Variants in SBDS observed in about 807,000 individuals in gnomAD.
SBDS encodes the protein SBDS ribosome maturation factor, also known as ribosome maturation protein SBDS.
In SBDS, 20 loss-of-function variants were observed where a neutral mutation model predicts 26.4. The ratio of observed to expected loss-of-function variants is 0.76; its 90% CI spans 0.53 to 1.10. SBDS has a LOEUF of 1.10. Ranked by LOEUF, SBDS falls within the 50% of genes least tolerant of loss-of-function variation. The pLI, the probability that SBDS is intolerant of heterozygous loss-of-function variation, is 0.00. For synonymous variants in SBDS, 95 were observed against 105.1 expected (o/e 0.90, Z 0.59); for missense variants, 241 against 302.0 (o/e 0.80, Z 1.50).
At chr7:66,995,165 A>G in intron 1 of SBDS, 125 bp downstream of exon 1, 2 of 1,349,372 alleles carry the variant, frequency 1.5e-6, no homozygotes, top group South Asian at 1.2e-5. Context: ...TCACAGCAGG[A>G]ATGTTCCATT....
intron 4 of SBDS, among the ~76,000 whole-genome samples, chr7:66,990,653 T>C (rs1792957371): frequency 6.6e-6 from 1 of 152,248 alleles, no homozygotes; most frequent in African/African-American, 2.4e-5. Context: ...GCATAATATA[T>C]GACAAAAATA....
At position 66,988,453 on chromosome 7, in the gene SBDS, A is replaced by G. The variant is rs543458458; in HGVS notation, c.671T>C (p.Ile224Thr). The G allele has an allele frequency of 2.9e-5, 46 of 1,613,906 alleles. No individual in the cohort carries two copies. In the South Asian group the frequency reaches 4.7e-4, roughly 17 times the overall value. Residue 224 changes from isoleucine to threonine, a missense_variant, in exon 5 of 5, where the codon ATA becomes ACA. By Grantham distance (89) the Ile-to-Thr change is moderately conservative (BLOSUM62 -1). Transcript: ENST00000246868. ...ACCTTTGCCTTTAGTTTCCTTTTTT[A>G]TTAGCTCATCAATTTCTCGGAAGCA... is the stretch of plus-strand genomic sequence containing the variant. ...PGCFREIDEL[I>T]KKETKGKGSL...
chr7:66,990,819 G>A (rs1430661981), intron 4 of SBDS, among the ~76,000 whole-genome samples: 8 of 152,046 alleles, frequency 5.3e-5, no homozygotes, highest in East Asian at 3.9e-4. Flanking sequence ...GATCAAGACC[G>A]TCCTGGCTAA....
At position 66,994,266 on chromosome 7, in the gene SBDS, C is replaced by G. The variant is rs765645155; in HGVS notation, c.204G>C (p.Lys68Asn). The change falls in exon 2 of 5, where the codon AAG (lysine) becomes AAC (asparagine). Residue 68 changes from lysine to asparagine, a missense_variant. Lys to Asn is a moderately conservative substitution (Grantham distance 94, BLOSUM62 0). Coordinates refer to ENST00000246868, the MANE Select transcript of SBDS (RefSeq NM_016038.4). ...TTCCAAACGCACTGATGAGATCTTCCTTTTTGGCAACCTGACCTTTAGAAA... is the reference window on the plus strand; with the variant it reads ...TTCCAAACGCACTGATGAGATCTTCGTTTTTGGCAACCTGACCTTTAGAAA... The part of the protein sequence containing the change: ...VNVSKGQVAK[K>N]EDLISAFGTD... The G allele has an allele frequency of 5.6e-6, 9 of 1,613,984 alleles. No homozygotes were observed. The highest frequency in any genetic ancestry group is 1.3e-5 in the African/African-American group (1 of 74,908).
intron 4 of SBDS, 145 bp from the exon 5 acceptor site, chr7:66,988,644 G>T: frequency 1.0e-6 from 1 of 992,428 alleles, no homozygotes; most frequent in Non-Finnish European, 1.5e-6. Flanking sequence ...TAAGACAATG[G>T]GTAGGGCGGC....
chr7:66,992,630 C>T (rs568329700), intron 3 of SBDS, among the ~76,000 whole-genome samples: 62 of 152,042 alleles, frequency 4.1e-4, no homozygotes, highest in African/African-American at 1.5e-3. Flanking sequence ...TTTACAACCC[C>T]GTCCTTTTCC....
rs908961737 is a variant in SBDS, at chr7:66,994,496, C to A, written c.129-155G>T. The A allele has an allele frequency of 2.0e-5, 14 of 704,398 alleles. 1 individual carries two copies. The African/African-American group carries it at 2.3e-4, about 12-fold the overall frequency. The allele number at this position is 704,398 out of a possible 1,614,324, so 43.6% of individuals were successfully genotyped here. ...AGAGGGCAGTTTTCTTTTTCTTACC[C>A]CCCAACCCCCGCCCCTAGATGGAAT... is the stretch of plus-strand genomic sequence containing the variant. On this transcript the variant is annotated intron_variant, in intron 1 of 4. Coordinates refer to ENST00000246868, the MANE Select transcript of SBDS (RefSeq NM_016038.4).
chr7:66,988,558 C>G, intron 4 of SBDS, 59 bp from the exon 5 acceptor site: 1 of 1,597,530 alleles, frequency 6.3e-7, no homozygotes, highest in Non-Finnish European at 8.5e-7. Context: ...AGAATAAACT[C>G]AGCTTTAACT....
intron 2 of SBDS, 114 bp downstream of exon 2, chr7:66,994,098 C>G (rs1272606802): frequency 1.0e-6 from 1 of 969,006 alleles, no homozygotes; most frequent in Admixed American, 1.8e-5. Flanking sequence ...CTGTGCAGTT[C>G]ACATTATTGC....
chr7:66,993,414 A>G lies in SBDS; in HGVS notation c.262T>C (p.Leu88=). ...DDQTEICKQI[L]TKGEVQVSDK... is the part of the protein sequence containing the mutation. ...GATACTTGAACTTCTCCTTTAGTCAAAATCTAAAAAAATGCCAACACATTT... is the reference window on the plus strand; with the variant it reads ...GATACTTGAACTTCTCCTTTAGTCAGAATCTAAAAAAATGCCAACACATTT... The change falls in exon 3 of 5, where the codon TTG becomes CTG. Residue 88 remains leucine (L), a synonymous_variant. Coordinates refer to ENST00000246868, the MANE Select transcript of SBDS (RefSeq NM_016038.4). 6.2e-7 allele frequency: 1 copy of G among 1,612,494 alleles called. No homozygotes were observed. Among genetic ancestry groups the G allele is most frequent in the Non-Finnish European group, 8.5e-7 (1 of 1,178,698 alleles).
chr7:66,988,003 T>C lies in SBDS; in HGVS notation c.*368A>G. On this transcript the variant is annotated 3_prime_UTR_variant, in exon 5 of 5. Coordinates refer to ENST00000246868, the MANE Select transcript of SBDS (RefSeq NM_016038.4). ...TTTTTAGGAAAGACCCCCCCTTTTG[T>C]TGTATAGACATACCCCTAATAATCT... 1 of 295,994 alleles carries C rather than the reference T, an allele frequency of 3.4e-6. No homozygotes were observed. Among genetic ancestry groups the C allele is most frequent in the Non-Finnish European group, 6.4e-6 (1 of 155,110 alleles). The allele number at this position is 295,994 out of a possible 1,614,324, so 18.3% of individuals were successfully genotyped here. A position where few individuals can be genotyped will look rare whatever the true frequency, so the allele number is the denominator to read the frequency against.
intron 4 of SBDS, among the ~76,000 whole-genome samples, chr7:66,990,742 C>A (rs575875269): frequency 7.9e-5 from 12 of 152,100 alleles, no homozygotes; most frequent in Admixed American, 7.2e-4. Flanking sequence ...TCTGGCTGGG[C>A]GCGGTGGCTC....
chr7:66,991,428 G>A (rs1340493681), intron 3 of SBDS, 127 bp from the exon 4 acceptor site: 5 of 721,220 alleles, frequency 6.9e-6, no homozygotes, highest in Non-Finnish European at 1.1e-5. Flanking sequence ...AAGAACATAA[G>A]TGACCGTTAA....
At chr7:66,993,668 G>C (rs893269605) in intron 2 of SBDS, among the ~76,000 whole-genome samples, 1 of 152,086 alleles carries the variant, frequency 6.6e-6, no homozygotes, top group Non-Finnish European at 1.5e-5. Flanking sequence ...AAGGTCAGGA[G>C]TTTGAGACCA....
At position 66,995,349 on chromosome 7, in the gene SBDS, G is replaced by T; in HGVS notation, c.69C>A (p.Ala23=). 2 of 1,614,150 alleles carry T rather than the reference G, an allele frequency of 1.2e-6. No individual in the cohort carries two copies. The highest frequency in any genetic ancestry group is 1.7e-6 in the Non-Finnish European group (2 of 1,180,022). ...AGCAGGCGATTTCGAAGCGCTTCCC[G>T]GCACGCTTCATCCGTACCACGGCCA... ...TNVAVVRMKR[A]GKRFEIACYK... is the part of the protein sequence containing the mutation. Residue 23 remains alanine (A), a synonymous_variant, in exon 1 of 5, where the codon GCC becomes GCA. Coordinates refer to ENST00000246868, the MANE Select transcript of SBDS (RefSeq NM_016038.4).
chr7:66,992,242 T>G lies in SBDS; in HGVS notation c.460-941A>C, dbSNP rs1792990114. 2.6e-5 allele frequency among the ~76,000 whole-genome samples: 4 copies of G among 152,140 alleles called. No individual in the cohort carries two copies. In the South Asian group the frequency reaches 8.3e-4, roughly 32 times the overall value. The stretch of plus-strand genomic sequence containing the variant: ...AACCATGAAAAGGCCACATATTGTA[T>G]GATTCCATTTATATGAAATGTCCAG... On this transcript the variant is annotated intron_variant, in intron 3 of 4. Coordinates refer to ENST00000246868, the MANE Select transcript of SBDS (RefSeq NM_016038.4).
At chr7:66,989,981 A>G (rs1792940581) in intron 4 of SBDS, among the ~76,000 whole-genome samples, 1 of 152,114 alleles carries the variant, frequency 6.6e-6, no homozygotes, top group African/African-American at 2.4e-5. Flanking sequence ...TCCTTTTGCC[A>G]GAATTCAGCT....
At chr7:66,995,193 C>T in intron 1 of SBDS, 97 bp downstream of exon 1, 1 of 1,550,260 alleles carries the variant, frequency 6.5e-7, no homozygotes, top group South Asian at 1.1e-5. Context: ...CGGCCAACAC[C>T]CCAGCCTGGC....
At chr7:66,990,275 C>T (rs925721231) in intron 4 of SBDS, among the ~76,000 whole-genome samples, 3 of 152,218 alleles carry the variant, frequency 2.0e-5, no homozygotes, top group Non-Finnish European at 4.4e-5. Context: ...GCCTTGGCCT[C>T]CCAAAGTGCT....
Sources: allele counts gnomAD v4.1 joint callset (sites outside exome capture counted in the v4.1 genomes callset), GRCh38; gene constraint gnomAD v4.1.1; transcripts MANE v1.5; gene names NCBI Gene and HGNC (gene_info 2026-07-23, HGNC 2026-07-21).